The following IMMP2L variants were observed in gnomAD, a reference collection of about 807,000 sequenced individuals.
The protein encoded by IMMP2L is mitochondrial inner membrane protease subunit 2.
A neutral mutation model predicts 19.3 loss-of-function variants in IMMP2L; 18 were observed. The ratio of observed to expected loss-of-function variants is 0.93; its 90% CI spans 0.64 to 1.38. The LOEUF (loss-of-function observed/expected upper bound fraction) is 1.38, where lower values mean the gene tolerates loss of function less well. Among genes scored for constraint, IMMP2L ranks in the 40% most tolerant of loss-of-function variants. The pLI is 0.00. For missense variants in IMMP2L, 233 were observed against 218.2 expected, an observed-to-expected ratio of 1.07 and a Z score of -0.43; for synonymous variants, 76 against 73.0, an observed-to-expected ratio of 1.04 and a Z score of -0.21.
intron 1 of IMMP2L, among the ~76,000 whole-genome samples, chr7:111,528,670 T>C (rs6948750): frequency 0.02 from 3,040 of 152,280 alleles, 104 homozygotes; most frequent in African/African-American, 0.069. Context: ...TATTTTAGCT[T>C]GTACAAAGTC....
At chr7:110,839,613 C>T (rs1254675226) in intron 5 of IMMP2L, among the ~76,000 whole-genome samples, 1 of 151,958 alleles carries the variant, frequency 6.6e-6, no homozygotes, top group Non-Finnish European at 1.5e-5. Flanking sequence ...CACATAAATG[C>T]TTAAACGTGT....
chr7:111,227,556 T>C (rs948182729), intron 3 of IMMP2L, among the ~76,000 whole-genome samples: 1 of 151,996 alleles, frequency 6.6e-6, no homozygotes, highest in African/African-American at 2.4e-5. Flanking sequence ...CAAAGGACAA[T>C]GTTGAAAAGG....
At chr7:111,099,254 G>C (rs1442023898) in intron 3 of IMMP2L, among the ~76,000 whole-genome samples, 1 of 151,592 alleles carries the variant, frequency 6.6e-6, no homozygotes, top group Admixed American at 6.6e-5. Flanking sequence ...AGCTTTCCTT[G>C]TATCTAGTTC....
chr7:110,920,647 C>T (rs1814166075), intron 4 of IMMP2L, among the ~76,000 whole-genome samples: 1 of 152,086 alleles, frequency 6.6e-6, no homozygotes, highest in African/African-American at 2.4e-5. Context: ...TATTTATGTG[C>T]TTTACCAAGC....
chr7:111,434,455 GAA>G (rs111684183), intron 3 of IMMP2L, among the ~76,000 whole-genome samples: 1 of 140,478 alleles, frequency 7.1e-6, no homozygotes, highest in African/African-American at 2.6e-5. Context: ...TTTTCCACAA[GAA>G]AAAAAAAAAA....
rs537094812 is a variant in IMMP2L, at chr7:111,288,955, A to G, written c.239+198283T>C. On this transcript the variant is annotated intron_variant, in intron 3 of 5. Transcript: ENST00000405709. ...AAGATTGTAAATCATTCTACTAGAA[A>G]GACACAGGCACACATATGTTTATTG... Among the ~76,000 whole-genome samples, 3 of 152,334 alleles carry G rather than the reference A, an allele frequency of 2.0e-5. No homozygotes were observed. In the South Asian group the frequency reaches 6.2e-4, roughly 32 times the overall value.
chr7:111,541,834 G>C (rs1380457655), intron 1 of IMMP2L, among the ~76,000 whole-genome samples: 2 of 151,856 alleles, frequency 1.3e-5, no homozygotes, highest in African/African-American at 4.8e-5. Context: ...AAAAGACGAG[G>C]CATATCACCT....
At chr7:111,008,263 T>C (rs1200647036) in intron 3 of IMMP2L, among the ~76,000 whole-genome samples, 3 of 152,064 alleles carry the variant, frequency 2.0e-5, no homozygotes, top group African/African-American at 4.8e-5. Flanking sequence ...CCAATACTTC[T>C]ATGAGGTAAA....
At chr7:111,392,827 C>T (rs754696813) in intron 3 of IMMP2L, 2 of 456,544 alleles carry the variant, frequency 4.4e-6, no homozygotes, top group East Asian at 7.0e-5. Flanking sequence ...AAAAGTACCA[C>T]AAATGAAGAG....
chr7:111,117,786 G>C (rs1329105400), intron 3 of IMMP2L, among the ~76,000 whole-genome samples: 1 of 151,944 alleles, frequency 6.6e-6, no homozygotes, highest in East Asian at 1.9e-4. Context: ...TAGAAGAAAA[G>C]GAAAAACTGG....
At chr7:111,089,681 T>C (rs1796651729) in intron 3 of IMMP2L, among the ~76,000 whole-genome samples, 1 of 152,030 alleles carries the variant, frequency 6.6e-6, no homozygotes, top group Non-Finnish European at 1.5e-5. Flanking sequence ...ATCCAGTAAA[T>C]AATAAAACCT....
At chr7:111,019,092 G>C (rs982157502) in intron 3 of IMMP2L, among the ~76,000 whole-genome samples, 2 of 152,056 alleles carry the variant, frequency 1.3e-5, no homozygotes, top group African/African-American at 4.8e-5. Flanking sequence ...TGAAAGCAGA[G>C]ATTACTATCT....
chr7:111,481,662 C>T (rs1382559353), intron 3 of IMMP2L, among the ~76,000 whole-genome samples: 3 of 151,698 alleles, frequency 2.0e-5, no homozygotes, highest in African/African-American at 7.3e-5. Flanking sequence ...CTGATCACTC[C>T]GACACTCTTA....
chr7:111,556,494 T>A (rs1791376173), intron 1 of IMMP2L, among the ~76,000 whole-genome samples: 1 of 151,860 alleles, frequency 6.6e-6, no homozygotes, highest in African/African-American at 2.4e-5. Context: ...CCCAAGCATA[T>A]CTACTCTCTA....
chr7:110,794,276 T>C (rs1366566950), intron 5 of IMMP2L, among the ~76,000 whole-genome samples: 1 of 152,126 alleles, frequency 6.6e-6, no homozygotes, highest in East Asian at 1.9e-4. Context: ...TGAATAGATT[T>C]AGTAAACTGT....
intron 3 of IMMP2L, among the ~76,000 whole-genome samples, chr7:111,080,485 A>T (rs1308992332): frequency 8.0e-6 from 1 of 124,844 alleles, no homozygotes; most frequent in Admixed American, 9.4e-5. Flanking sequence ...TGTGTGTATT[A>T]TATATTATGT....
At chr7:111,531,470 C>A (rs1201482578) in intron 1 of IMMP2L, among the ~76,000 whole-genome samples, 1 of 152,004 alleles carries the variant, frequency 6.6e-6, no homozygotes, top group African/African-American at 2.4e-5. Flanking sequence ...GCATTTACAA[C>A]CAAGGCCTAA....
At chr7:111,472,825 G>A (rs1841383480) in intron 3 of IMMP2L, among the ~76,000 whole-genome samples, 1 of 152,066 alleles carries the variant, frequency 6.6e-6, no homozygotes. Context: ...GCTGAGTGCA[G>A]TGGCTCATGC....
At chr7:110,919,125 C>T (rs999376008) in intron 4 of IMMP2L, among the ~76,000 whole-genome samples, 4 of 152,122 alleles carry the variant, frequency 2.6e-5, no homozygotes, top group Admixed American at 2.6e-4. Flanking sequence ...TTCAGGGCCG[C>T]CTGAGGATGA....
Sources: allele counts gnomAD v4.1 joint callset (sites outside exome capture counted in the v4.1 genomes callset), GRCh38; gene constraint gnomAD v4.1.1; transcripts MANE v1.5; gene names NCBI Gene and HGNC (gene_info 2026-07-23, HGNC 2026-07-21).